The following PRR16 variants were observed in gnomAD, a reference collection of about 807,000 sequenced individuals.
The protein encoded by PRR16 is proline rich 16, also known as protein Largen.
Under a neutral mutation model 18.2 loss-of-function variants are expected in PRR16, and 6 were observed. That is an observed-to-expected ratio of 0.33 (90% CI 0.18 to 0.65). The LOEUF is 0.65. Ranked by LOEUF, PRR16 falls within the 30% of genes least tolerant of loss-of-function variation. The pLI is 0.74. For synonymous variants in PRR16, 151 were observed against 147.8 expected, an observed-to-expected ratio of 1.02 and a Z score of -0.16; for missense variants, 412 against 376.6, an observed-to-expected ratio of 1.09 and a Z score of -0.78.
At chr5:120,695,867 T>C in the PRR16 span, among the ~76,000 whole-genome samples, 1 of 152,088 alleles carries the variant, frequency 6.6e-6, no homozygotes, top group African/African-American at 2.4e-5. Context: ...TCTGTAGATT[T>C]TCACCATTTA....
chr5:120,791,283 AT>A, the PRR16 span, among the ~76,000 whole-genome samples: 2 of 152,064 alleles, frequency 1.3e-5, no homozygotes, highest in Non-Finnish European at 2.9e-5. Flanking sequence ...TATTTCAAGT[AT>A]TTTTGTAGTA....
At chr5:120,719,873 T>C in the PRR16 span, among the ~76,000 whole-genome samples, 2 of 152,144 alleles carry the variant, frequency 1.3e-5, no homozygotes, top group Middle Eastern at 3.4e-3. Flanking sequence ...ATGTGTTATA[T>C]CTAATTGATT....
chr5:120,650,834 T>C (rs1489566281), intron 1 of PRR16, among the ~76,000 whole-genome samples: 1 of 152,108 alleles, frequency 6.6e-6, no homozygotes, highest in Non-Finnish European at 1.5e-5. Context: ...GTCCTTTGGG[T>C]ATATACCCAG....
chr5:120,527,988 T>C (rs1412499435), intron 1 of PRR16, among the ~76,000 whole-genome samples: 1 of 152,188 alleles, frequency 6.6e-6, no homozygotes, highest in African/African-American at 2.4e-5. Context: ...TTTCTTATAG[T>C]TTTTAAAGAT....
At chr5:120,511,326 C>G (rs960700553) in intron 1 of PRR16, among the ~76,000 whole-genome samples, 1 of 152,124 alleles carries the variant, frequency 6.6e-6, no homozygotes, top group African/African-American at 2.4e-5. Context: ...AATGGACTCT[C>G]TCTTGGACTG....
rs1037854034 is a variant in PRR16 at position 120,464,425 on chromosome 5, G to A, written c.-62G>A. On this transcript the variant is annotated 5_prime_UTR_variant, in exon 1 of 2. Coordinates refer to ENST00000407149, the MANE Select transcript of PRR16 (RefSeq NM_001300783.2). ...CAGCGGCCGTAGCAGCGCCAGGGAC[G>A]GGGGCACGCAGCAGCCTCCGCTCGC... is the stretch of plus-strand genomic sequence containing the variant. 10 of 1,488,364 alleles carry A rather than the reference G, an allele frequency of 6.7e-6. No individual in the cohort carries two copies. Among genetic ancestry groups the A allele is most frequent in the Non-Finnish European group, 9.0e-6 (10 of 1,116,638 alleles). 92.2% of individuals were successfully genotyped at this position (1,488,364 alleles called of 1,614,324 possible). A position where few individuals can be genotyped will look rare whatever the true frequency, so the allele number is the denominator to read the frequency against.
At chr5:120,668,009 T>C (rs571857453) in intron 1 of PRR16, among the ~76,000 whole-genome samples, 1 of 152,252 alleles carries the variant, frequency 6.6e-6, no homozygotes, top group East Asian at 1.9e-4. Context: ...TGGGTATCCT[T>C]GTTAACTTTC....
chr5:120,631,930 C>A (rs1755068653), intron 1 of PRR16, among the ~76,000 whole-genome samples: 1 of 152,126 alleles, frequency 6.6e-6, no homozygotes, highest in African/African-American at 2.4e-5. Flanking sequence ...CCAACCAACA[C>A]AAAACCAGCA....
intron 1 of PRR16, among the ~76,000 whole-genome samples, chr5:120,641,412 T>C (rs185327649): frequency 3.1e-4 from 47 of 152,198 alleles, no homozygotes; most frequent in Middle Eastern, 3.4e-3. Context: ...GTATAGTTTC[T>C]AAGAAATTGC....
In PRR16 at chr5:120,527,124, C is replaced by G. The variant is rs748031075; in HGVS notation, c.159+62479C>G. Among the ~76,000 whole-genome samples the G allele has an allele frequency of 1.4e-4, 22 of 152,014 alleles. 1 individual carries two copies. Among genetic ancestry groups the G allele is most frequent in the Admixed American group, 3.9e-4 (6 of 15,254 alleles). ...TGGAATCAAGTAGGGATCAGCAAACCTTTTTTGTAAAGGGCCAGATAGGAA... is the reference window on the plus strand; with the variant it reads ...TGGAATCAAGTAGGGATCAGCAAACGTTTTTTGTAAAGGGCCAGATAGGAA... On this transcript the variant is annotated intron_variant, in intron 1 of 1. Coordinates refer to ENST00000407149, the MANE Select transcript of PRR16 (RefSeq NM_001300783.2).
At chr5:120,656,467 CA>C (rs34228222) in intron 1 of PRR16, among the ~76,000 whole-genome samples, 18,086 of 93,306 alleles carry the variant, frequency 0.19, 1,795 homozygotes, top group East Asian at 0.62. Flanking sequence ...TAATCACTCT[CA>C]AAAAAAAAAA....
rs544304354 is a variant in PRR16, at chr5:120,550,400, G to A, written c.159+85755G>A. Among the ~76,000 whole-genome samples, 459 of 152,136 alleles carry A rather than the reference G, an allele frequency of 3.0e-3. 1 individual carries two copies. Among genetic ancestry groups the A allele is most frequent in the African/African-American group, 0.01 (433 of 41,528 alleles). ...GTTATGTTAATTTTACAGGCACAGG[G>A]TGTAGGGCATTCCTGAGTTCAGTGG... On this transcript the variant is annotated intron_variant, in intron 1 of 1. Transcript: ENST00000407149.
intron 1 of PRR16, among the ~76,000 whole-genome samples, chr5:120,478,503 T>A (rs1448731410): frequency 6.6e-6 from 1 of 152,204 alleles, no homozygotes; most frequent in Admixed American, 6.5e-5. Context: ...GTCATAGTTC[T>A]GAGTTTTTAA....
intron 1 of PRR16, among the ~76,000 whole-genome samples, chr5:120,581,304 T>G (rs940714715): frequency 6.6e-6 from 1 of 152,210 alleles, no homozygotes; most frequent in African/African-American, 2.4e-5. Flanking sequence ...CCGGTTTATT[T>G]GCATAGATGT....
chr5:120,681,417 TTAAA>T (rs1422169275), intron 1 of PRR16, among the ~76,000 whole-genome samples: 23 of 152,198 alleles, frequency 1.5e-4, no homozygotes, highest in Admixed American at 1.5e-3. Flanking sequence ...GACAATGAAC[TTAAA>T]TAGTTTAATT....
chr5:120,556,734 A>G (rs1283390194), intron 1 of PRR16, among the ~76,000 whole-genome samples: 6 of 151,924 alleles, frequency 3.9e-5, no homozygotes, highest in Admixed American at 3.9e-4. Context: ...TGGGTTGACT[A>G]GCCTATTGCA....
Position 120,686,376 on chromosome 5 carries a change from CA to C in PRR16, c.583del (p.Arg195AspfsTer32), listed in dbSNP as rs1484120761. On this transcript the variant is annotated frameshift_variant, in exon 2 of 2. Coordinates refer to ENST00000407149, the MANE Select transcript of PRR16 (RefSeq NM_001300783.2). LOFTEE classifies it high-confidence loss of function. ...TTCTGATGCATAGACCTGAAAAAGACAGATGTCCCCAGGCAGGGCCTCGAGA... is the reference window on the plus strand; with the variant it reads ...TTCTGATGCATAGACCTGAAAAAGACGATGTCCCCAGGCAGGGCCTCGAGA... ...QLLMHRPEKD[R>X]CPQAGPRERV... The C allele has an allele frequency of 6.2e-7, 1 of 1,614,156 alleles. No individual in the cohort carries two copies. The highest frequency in any genetic ancestry group is 2.2e-5 in the East Asian group (1 of 44,870).
chr5:120,635,312 A>G (rs922512392), intron 1 of PRR16, among the ~76,000 whole-genome samples: 3 of 152,122 alleles, frequency 2.0e-5, no homozygotes, highest in Non-Finnish European at 2.9e-5. Context: ...GAACATAACG[A>G]AAAAGGAAGG....
intron 1 of PRR16, among the ~76,000 whole-genome samples, chr5:120,559,612 A>T (rs139320118): frequency 7.6e-4 from 115 of 151,862 alleles, no homozygotes; most frequent in African/African-American, 2.5e-3. Context: ...TTTTGATCAG[A>T]GTAGCTTTGG....
Sources: gnomAD v4.1 joint callset for allele counts (sites outside exome capture counted in the v4.1 genomes callset) on GRCh38, gnomAD v4.1.1 for gene constraint, MANE v1.5 for transcripts, NCBI Gene and HGNC (gene_info 2026-07-23, HGNC 2026-07-21) for gene names.